Variants in ZNF45 observed in about 807,000 individuals in gnomAD.
ZNF45 encodes BRC1744.
ZNF45 carries 4 observed loss-of-function variants against 12.0 expected under a neutral mutation model. The ratio of observed to expected loss-of-function variants is 0.33; its 90% CI spans 0.16 to 0.76. The LOEUF (loss-of-function observed/expected upper bound fraction) is 0.76. Ranked by LOEUF, ZNF45 falls within the 30% of genes least tolerant of loss-of-function variation. The probability of loss-of-function intolerance (pLI) is 0.60; values close to 1 mark genes in which losing one functional copy is unlikely to be tolerated. For synonymous variants in ZNF45, 272 were observed against 279.6 expected (o/e 0.97, Z 0.27); for missense variants, 700 against 813.0 (o/e 0.86, Z 1.69).
rs757858702 is a variant in ZNF45 at position 43,918,862 on chromosome 19, C to T, written c.235+8G>A. On this transcript the variant is annotated splice_region_variant and intron_variant, in intron 9 of 9. Transcript: ENST00000269973. Reference sequence around the variant, plus strand: ...GAAAAATGTCCAGCAGCCCCAGCCCCTCCTCACCTGAGGAGTTATCTCTCT... The same window carrying T: ...GAAAAATGTCCAGCAGCCCCAGCCCTTCCTCACCTGAGGAGTTATCTCTCT... 3.1e-6 allele frequency: 5 copies of T among 1,612,692 alleles called. No homozygotes were observed. The South Asian group carries it at 3.3e-5, about 11-fold the overall frequency.
intron 9 of ZNF45, among the ~76,000 whole-genome samples, chr19:43,916,888 GA>G (rs1046601675): frequency 0.024 from 3,515 of 147,584 alleles, 140 homozygotes; most frequent in African/African-American, 0.079. Context: ...AATTACTTAG[GA>G]AAAAAAAAAA....
In ZNF45 at chr19:43,922,171, C is replaced by T; in HGVS notation, c.15G>A (p.Lys5=). ...ACGGAGAAAGGGAGGTCCAACTCAC[C>T]TTAGACTTCGTCATTTTGTCCTCCT... MTKS[K]EAVTFKDVAV... is the part of the protein sequence containing the mutation. Residue 5 remains lysine (K), a splice_region_variant and synonymous_variant, in exon 7 of 10, where the codon AAG becomes AAA. Transcript: ENST00000269973. 3.1e-6 allele frequency: 5 copies of T among 1,609,474 alleles called. No homozygotes were observed. The African/African-American group carries it at 4.0e-5, about 13-fold the overall frequency.
chr19:43,923,463 T>C (rs1191503064), intron 6 of ZNF45, among the ~76,000 whole-genome samples: 1 of 152,176 alleles, frequency 6.6e-6, no homozygotes, highest in African/African-American at 2.4e-5. Flanking sequence ...ATTTATAAAT[T>C]AAGCTTTATC....
intron 8 of ZNF45, among the ~76,000 whole-genome samples, 172 bp from the exon 9 acceptor site, chr19:43,919,134 A>C (rs1972917489): frequency 6.6e-6 from 1 of 152,222 alleles, no homozygotes; most frequent in Non-Finnish European, 1.5e-5. Context: ...AGATATGCAG[A>C]TATAAGTATA....
Position 43,913,637 on chromosome 19 carries a change from T to C in ZNF45, c.1799A>G (p.Gln600Arg). ...TCCTGTGTGGACCCTCTGGTGGGCT[T>C]GAAGGTAGGATCTCTGTCTGAAGCG... ...GKRFRQRSYLQAHQRVHTGER... is the reference protein window; with the variant it reads ...GKRFRQRSYLRAHQRVHTGER... Residue 600 changes from glutamine to arginine, a missense_variant, in exon 10 of 10, where the codon CAA (glutamine) becomes CGA (arginine). Coordinates refer to ENST00000269973, the MANE Select transcript of ZNF45 (RefSeq NM_003425.4). 1 of 1,614,072 alleles carries C rather than the reference T, an allele frequency of 6.2e-7. No homozygotes were observed. Among genetic ancestry groups the C allele is most frequent in the Non-Finnish European group, 8.5e-7 (1 of 1,180,000 alleles).
rs191973199 is a variant in ZNF45, at chr19:43,928,282, G to A, written c.-399-2824C>T. On this transcript the variant is annotated intron_variant, in intron 3 of 9. Coordinates refer to ENST00000269973, the MANE Select transcript of ZNF45 (RefSeq NM_003425.4). Reference sequence around the variant, plus strand: ...ATACAGGAACAGAAAACCAAATACCGCATGTTCTAACTCATCAGTGGGAGC... The same window carrying A: ...ATACAGGAACAGAAAACCAAATACCACATGTTCTAACTCATCAGTGGGAGC... 2.4e-3 allele frequency among the ~76,000 whole-genome samples: 363 copies of A among 150,800 alleles called. 3 individuals are homozygous for A. The highest frequency in any genetic ancestry group is 8.3e-3 in the African/African-American group (342 of 41,292).
At position 43,913,404 on chromosome 19, in the gene ZNF45, G is replaced by A. The variant is rs756652022; in HGVS notation, c.2032C>T (p.His678Tyr). Residue 678 changes from histidine (H) to tyrosine (Y), a missense_variant, in exon 10 of 10, where the codon CAC becomes TAC. Physicochemically the swap from His to Tyr is moderately conservative, Grantham distance 83. Coordinates refer to ENST00000269973, the MANE Select transcript of ZNF45 (RefSeq NM_003425.4). ...DKDFPSSEDS[H>Y]RKTR ...AACATATTTTATCGAGTTTTCCTGT[G>A]TGAATCCTCTGATGAAGGAAAGTCC... 1 of 1,545,442 alleles carries A rather than the reference G, an allele frequency of 6.5e-7. No individual in the cohort carries two copies. Among genetic ancestry groups the A allele is most frequent in the South Asian group, 1.3e-5 (1 of 79,798 alleles).
chr19:43,930,373 A>G (rs1201150869), intron 3 of ZNF45, among the ~76,000 whole-genome samples: 2 of 152,214 alleles, frequency 1.3e-5, no homozygotes, highest in Non-Finnish European at 2.9e-5. Flanking sequence ...TCCTTCACCA[A>G]TGGGGTGAAT....
intron 3 of ZNF45, chr19:43,926,506 T>A (rs1973690395): frequency 6.6e-6 from 1 of 152,230 alleles, no homozygotes; most frequent in Non-Finnish European, 1.5e-5. Flanking sequence ...GACAGGTGAA[T>A]TTATTACTAC....
intron 7 of ZNF45, among the ~76,000 whole-genome samples, chr19:43,921,068 C>T (rs1973130905): frequency 6.6e-6 from 1 of 152,174 alleles, no homozygotes; most frequent in Non-Finnish European, 1.5e-5. Context: ...CTAACCAGGA[C>T]AAGCTAGGCA....
chr19:43,920,988 T>C (rs535498905), intron 7 of ZNF45, among the ~76,000 whole-genome samples: 37 of 152,232 alleles, frequency 2.4e-4, no homozygotes, highest in African/African-American at 8.9e-4. Context: ...TGAATGACAG[T>C]GGTCATAGAG....
At chr19:43,920,547 G>T (rs1319432535) in intron 7 of ZNF45, among the ~76,000 whole-genome samples, 3 of 89,322 alleles carry the variant, frequency 3.4e-5, no homozygotes, top group Middle Eastern at 6.5e-3. Flanking sequence ...GGGGGGGGGG[G>T]CAGTGGGCGG....
chr19:43,928,404 A>C (rs900870937), intron 3 of ZNF45, among the ~76,000 whole-genome samples: 4 of 152,060 alleles, frequency 2.6e-5, no homozygotes, highest in Non-Finnish European at 5.9e-5. Context: ...GACCAGAAAA[A>C]ATAACTCATG....
chr19:43,924,219 T>G lies in ZNF45; in HGVS notation c.-33+19A>C, dbSNP rs1441323002. 3 of 152,180 alleles carry G rather than the reference T, an allele frequency of 2.0e-5. No homozygotes were observed. Among genetic ancestry groups the G allele is most frequent in the Non-Finnish European group, 4.4e-5 (3 of 68,034 alleles). The allele number at this position is 152,180 out of a possible 1,614,324, so 9.4% of individuals were successfully genotyped here. A position where few individuals can be genotyped will look rare whatever the true frequency, so the allele number is the denominator to read the frequency against. On this transcript the variant is annotated intron_variant, in intron 6 of 9. Coordinates refer to ENST00000269973, the MANE Select transcript of ZNF45 (RefSeq NM_003425.4). The stretch of plus-strand genomic sequence containing the variant: ...AAGAACTTGGCACATGATGTTTCAT[T>G]AAGGTACTTCACACATACCTGTGAA...
intron 6 of ZNF45, among the ~76,000 whole-genome samples, chr19:43,923,478 G>C (rs1973390505): frequency 6.6e-6 from 1 of 152,108 alleles, no homozygotes; most frequent in South Asian, 2.1e-4. Context: ...TTTATCATAA[G>C]TATGTAGGTA....
At chr19:43,926,884 G>A (rs1973720825) in intron 3 of ZNF45, among the ~76,000 whole-genome samples, 1 of 152,174 alleles carries the variant, frequency 6.6e-6, no homozygotes, top group Non-Finnish European at 1.5e-5. Flanking sequence ...AAACCATGAT[G>A]ACGTTCAAGT....
In ZNF45 at chr19:43,913,221, A is replaced by C; in HGVS notation, c.*166T>G. On this transcript the variant is annotated 3_prime_UTR_variant, in exon 10 of 10. Transcript: ENST00000269973. ...TGTCTGCATGTATCAGCTAATGGTC[A>C]ATGTTCTGAATGCAGTCCATATGTC... 1 of 651,388 alleles carries C rather than the reference A, an allele frequency of 1.5e-6. No homozygotes were observed. 40.4% of individuals were successfully genotyped at this position (651,388 alleles called of 1,614,324 possible).
intron 6 of ZNF45, among the ~76,000 whole-genome samples, chr19:43,923,385 T>C (rs1973372734): frequency 6.6e-6 from 1 of 152,200 alleles, no homozygotes; most frequent in Non-Finnish European, 1.5e-5. Flanking sequence ...TATAGAACTT[T>C]TGTTACAGTA....
intron 7 of ZNF45, 57 bp downstream of exon 7, chr19:43,922,114 T>C (rs1767324753): frequency 6.3e-6 from 10 of 1,589,990 alleles, no homozygotes; most frequent in South Asian, 4.5e-5. Context: ...ATAAGGTGTA[T>C]GTAATCTTTC....
Sources: gnomAD v4.1 joint callset for allele counts (sites outside exome capture counted in the v4.1 genomes callset) on GRCh38, gnomAD v4.1.1 for gene constraint, MANE v1.5 for transcripts, NCBI Gene and HGNC (gene_info 2026-07-23, HGNC 2026-07-21) for gene names.